FHL2: variants seen among roughly 807,000 people sequenced by gnomAD.
FHL2 encodes four and a half LIM domains protein 2.
In FHL2, 20 loss-of-function variants were observed where a neutral mutation model predicts 32.7. The observed-to-expected ratio is 0.61, with a 90% CI of 0.43 to 0.89. The LOEUF (loss-of-function observed/expected upper bound fraction) is 0.89. FHL2 is among the 40% of genes least tolerant of loss of function. The pLI is 0.00. For missense variants in FHL2, 311 were observed against 358.6 expected (o/e 0.87, Z 1.07); for synonymous variants, 123 against 128.1 (o/e 0.96, Z 0.27).
At chr2:105,380,628 A>G (rs554473895) in intron 3 of FHL2, among the ~76,000 whole-genome samples, 9 of 152,296 alleles carry the variant, frequency 5.9e-5, no homozygotes, top group African/African-American at 2.2e-4. Flanking sequence ...TTAGTACTCC[A>G]TTGTGAACAG....
intron 4 of FHL2, among the ~76,000 whole-genome samples, chr2:105,373,033 C>T (rs1046996857): frequency 3.3e-5 from 5 of 152,184 alleles, no homozygotes; most frequent in African/African-American, 9.7e-5. Flanking sequence ...TTGCCATCCT[C>T]GGCACCTGGC....
chr2:105,370,013 A>G (rs1680913464), intron 4 of FHL2, among the ~76,000 whole-genome samples: 2 of 152,168 alleles, frequency 1.3e-5, no homozygotes, highest in South Asian at 4.1e-4. Context: ...TGAATCGCAC[A>G]CTCTGAACCA....
At chr2:105,362,334 T>C (rs2104481770) in intron 6 of FHL2, among the ~76,000 whole-genome samples, 1 of 152,356 alleles carries the variant, frequency 6.6e-6, no homozygotes, top group Non-Finnish European at 1.5e-5. Context: ...TGTAATGAGC[T>C]CTGCATTACA....
chr2:105,387,426 G>A (rs1682405277), intron 2 of FHL2, among the ~76,000 whole-genome samples: 2 of 152,188 alleles, frequency 1.3e-5, no homozygotes, highest in Non-Finnish European at 2.9e-5. Flanking sequence ...AACTGCCAAA[G>A]TCCCTGAGGA....
chr2:105,402,189 A>ATG (rs1179367894), upstream of FHL2, among the ~76,000 whole-genome samples: 11 of 149,650 alleles, frequency 7.4e-5, no homozygotes, highest in African/African-American at 2.7e-4. Context: ...GTATGTATAT[A>ATG]TGTATATATA....
intron 1 of FHL2, among the ~76,000 whole-genome samples, chr2:105,436,953 T>C (rs983766539): frequency 5.9e-5 from 9 of 152,014 alleles, no homozygotes; most frequent in African/African-American, 2.2e-4. Flanking sequence ...ATTTCAGAGA[T>C]CGGTAGAAAG....
intron 4 of FHL2, 150 bp downstream of exon 4, chr2:105,373,409 G>A: frequency 1.3e-6 from 1 of 762,594 alleles, no homozygotes; most frequent in Non-Finnish European, 2.2e-6. Context: ...TGCTTCGTAA[G>A]TACTCTAAAT....
intron 5 of FHL2, among the ~76,000 whole-genome samples, chr2:105,367,108 A>C (rs529679545): frequency 6.6e-6 from 1 of 152,240 alleles, no homozygotes; most frequent in African/African-American, 2.4e-5. Context: ...TCTGTCCCAT[A>C]TCCATGGAGG....
At chr2:105,417,670 C>A (rs1389384760) in intron 1 of FHL2, among the ~76,000 whole-genome samples, 1 of 111,566 alleles carries the variant, frequency 9.0e-6, no homozygotes, top group African/African-American at 3.7e-5. Context: ...GGCAATACAG[C>A]GAGACTCCAT....
chr2:105,383,226 C>T (rs56307904), intron 3 of FHL2, among the ~76,000 whole-genome samples: 63,083 of 152,046 alleles, frequency 0.41, 13,328 homozygotes, highest in East Asian at 0.51. Context: ...AAGCCCAGAA[C>T]GTAGGCAGAT....
chr2:105,372,600 C>G (rs554727549), intron 4 of FHL2, among the ~76,000 whole-genome samples: 1 of 152,212 alleles, frequency 6.6e-6, no homozygotes, highest in Non-Finnish European at 1.5e-5. Flanking sequence ...ACAAAGCAAA[C>G]CAACATGATG....
At chr2:105,378,341 G>A (rs1169499852) in intron 3 of FHL2, 19 of 377,708 alleles carry the variant, frequency 5.0e-5, no homozygotes, top group East Asian at 1.5e-4. Flanking sequence ...TTCTGCAGGC[G>A]CAGCCTGTCC....
At chr2:105,383,395 T>A (rs917534332) in intron 3 of FHL2, among the ~76,000 whole-genome samples, 47 of 152,238 alleles carry the variant, frequency 3.1e-4, no homozygotes, top group African/African-American at 1.1e-3. Flanking sequence ...CAATAATCTT[T>A]ACCCTTTGAG....
intron 6 of FHL2, 187 bp downstream of exon 6, chr2:105,363,098 T>C: frequency 1.7e-6 from 1 of 589,162 alleles, no homozygotes; most frequent in South Asian, 2.3e-5. Context: ...GAGGAAGGAA[T>C]CATTACTTGC....
At chr2:105,402,061 A>G (rs573059672), upstream of FHL2, among the ~76,000 whole-genome samples, 155 of 149,822 alleles carry the variant, frequency 1.0e-3, no homozygotes, top group African/African-American at 3.6e-3. Context: ...ATACGTATGT[A>G]TGTACATATA....
At chr2:105,367,785 G>A in intron 4 of FHL2, 46 bp from the exon 5 acceptor site, 1 of 1,566,636 alleles carries the variant, frequency 6.4e-7, no homozygotes, top group Admixed American at 1.8e-5. Flanking sequence ...TGGTTAGAGG[G>A]GTGTGGAGTC....
intron 6 of FHL2, among the ~76,000 whole-genome samples, chr2:105,362,355 C>T (rs1288945420): frequency 6.6e-6 from 1 of 152,134 alleles, no homozygotes; most frequent in Non-Finnish European, 1.5e-5. Flanking sequence ...CATGAGAGTA[C>T]TGTTTTAGCG....
downstream of FHL2, chr2:105,359,461 A>G (rs903676227): frequency 6.6e-6 from 1 of 152,206 alleles, no homozygotes; most frequent in Non-Finnish European, 1.5e-5. Context: ...CTGATTTCAC[A>G]TATGCTCAGC....
At position 105,373,570 on chromosome 2, in the gene FHL2, GTCT is replaced by G. The variant is rs1681245990; in HGVS notation, c.317_319del (p.Lys106del). 1 of 1,614,224 alleles carries G rather than the reference GTCT, an allele frequency of 6.2e-7. No individual in the cohort carries two copies. The highest frequency in any genetic ancestry group is 1.3e-5 in the African/African-American group (1 of 75,072). Reference sequence around the variant, plus strand: ...GAGTGCCTCCTGACCTGGCATGATGGTCTTCTTGCATTCCTGGCACTTGGATGA... The same window carrying G: ...GAGTGCCTCCTGACCTGGCATGATGGTCTTGCATTCCTGGCACTTGGATGA... On this transcript the variant is annotated inframe_deletion, in exon 4 of 7. Coordinates refer to ENST00000530340, the MANE Select transcript of FHL2 (RefSeq NM_001318895.3).
Sources: allele counts gnomAD v4.1 joint callset (sites outside exome capture counted in the v4.1 genomes callset), GRCh38; gene constraint gnomAD v4.1.1; transcripts MANE v1.5; gene names NCBI Gene and HGNC (gene_info 2026-07-23, HGNC 2026-07-21).